The following FBXW7 variants were observed in gnomAD, a reference collection of about 807,000 sequenced individuals.
The protein encoded by FBXW7 is F-box and WD repeat domain containing 7, also known as F-box/WD repeat-containing protein 7.
FBXW7 carries 11 observed loss-of-function variants against 86.3 expected under a neutral mutation model. The ratio of observed to expected loss-of-function variants is 0.13; its 90% confidence interval spans 0.08 to 0.21. The LOEUF is 0.21. Among genes scored for constraint, FBXW7 ranks in the 10% least tolerant of loss-of-function variants. FBXW7 has a pLI of 1.00. For missense variants in FBXW7, 488 were observed against 847.4 expected, an observed-to-expected ratio of 0.58 and a Z score of 5.27; for synonymous variants, 313 against 297.9, an observed-to-expected ratio of 1.05 and a Z score of -0.52.
chr4:152,518,487 A>T (rs1748713651), intron 2 of FBXW7, among the ~76,000 whole-genome samples: 1 of 152,016 alleles, frequency 6.6e-6, no homozygotes, highest in East Asian at 1.9e-4. Flanking sequence ...TGTAGAGACA[A>T]GGTTTTGCCA....
At chr4:152,528,271 A>G (rs988219220) in intron 2 of FBXW7, among the ~76,000 whole-genome samples, 4 of 152,216 alleles carry the variant, frequency 2.6e-5, no homozygotes, top group Non-Finnish European at 5.9e-5. Context: ...GGCAAAGGTG[A>G]CACAGCATAG....
chr4:152,404,443 T>C (rs1183154084), intron 4 of FBXW7, among the ~76,000 whole-genome samples: 2 of 152,238 alleles, frequency 1.3e-5, no homozygotes, highest in African/African-American at 4.8e-5. Context: ...TCTGATCTTT[T>C]TCTTTGCATA....
At chr4:152,355,553 T>C (rs1218146160) in intron 4 of FBXW7, among the ~76,000 whole-genome samples, 2 of 152,194 alleles carry the variant, frequency 1.3e-5, no homozygotes, top group African/African-American at 2.4e-5. Flanking sequence ...AAATATATTT[T>C]CATTACAATA....
chr4:152,535,106 G>C (rs1750398567), intron 1 of FBXW7, 21 bp downstream of exon 1: 1 of 153,688 alleles, frequency 6.5e-6, no homozygotes, highest in South Asian at 2.1e-4. Context: ...CCAGGGGAGG[G>C]GAGGCGGCGG....
rs146873725 is a variant in FBXW7, at chr4:152,359,653, C to T, written c.502-9529G>A. 8.2e-3 allele frequency among the ~76,000 whole-genome samples: 1,239 copies of T among 151,934 alleles called. 11 individuals are homozygous for T. Among genetic ancestry groups the T allele is most frequent in the Middle Eastern group, 0.02 (6 of 294 alleles). On this transcript the variant is annotated intron_variant, in intron 4 of 13. Transcript: ENST00000281708. ...CAAAACAAAACAACAACAAAAACCA[C>T]GAAGACAGGTGAGGCAAGAGAATCA... is the stretch of plus-strand genomic sequence containing the variant.
intron 2 of FBXW7, among the ~76,000 whole-genome samples, chr4:152,460,646 C>T (rs971981851): frequency 1.3e-5 from 2 of 152,180 alleles, no homozygotes; most frequent in East Asian, 1.9e-4. Flanking sequence ...GGCTAGAGGT[C>T]GCCATTGTTT....
intron 4 of FBXW7, among the ~76,000 whole-genome samples, chr4:152,373,828 G>C (rs1734226426): frequency 6.6e-6 from 1 of 151,974 alleles, no homozygotes; most frequent in South Asian, 2.1e-4. Context: ...ATGGGCATGG[G>C]GGATCATCAT....
intron 2 of FBXW7, among the ~76,000 whole-genome samples, chr4:152,415,935 C>T (rs1444856636): frequency 1.3e-5 from 2 of 152,086 alleles, no homozygotes; most frequent in South Asian, 2.1e-4. Context: ...TACCCCCCAG[C>T]ATCACCTTCT....
chr4:152,535,498 G>T lies in FBXW7; in HGVS notation c.-584C>A. 1 of 391,586 alleles carries T rather than the reference G, an allele frequency of 2.6e-6. No homozygotes were observed. The highest frequency in any genetic ancestry group is 4.5e-6 in the Non-Finnish European group (1 of 221,698). 24.3% of individuals were successfully genotyped at this position (391,586 alleles called of 1,614,324 possible). A position where few individuals can be genotyped will look rare whatever the true frequency, so the allele number is the denominator to read the frequency against. ...CATCGGGGTCCCCGCCCCCCCGGCCGGGGGGTGGTTGCCGAGCTTGGTTGG... is the reference window on the plus strand; with the variant it reads ...CATCGGGGTCCCCGCCCCCCCGGCCTGGGGGTGGTTGCCGAGCTTGGTTGG... On this transcript the variant is annotated 5_prime_UTR_variant, in exon 1 of 14. Transcript: ENST00000281708.
chr4:152,337,895 G>C lies in FBXW7; in HGVS notation c.768C>G (p.Leu256=). ...CTTGTGTTGGTTCACAACTATCAATGAGTTCATCTAAAGCAAGCAATTTCT... is the reference window on the plus strand; with the variant it reads ...CTTGTGTTGGTTCACAACTATCAATCAGTTCATCTAAAGCAAGCAATTTCT... The part of the protein sequence containing the change: ...GPEKLLALDE[L]IDSCEPTQVK... The change falls in exon 7 of 14, where the codon CTC becomes CTG. Residue 256 remains leucine (L), a synonymous_variant. Transcript: ENST00000281708. The C allele has an allele frequency of 1.2e-6, 2 of 1,612,676 alleles. No individual in the cohort carries two copies. The highest frequency in any genetic ancestry group is 1.3e-5 in the African/African-American group (1 of 74,976).
At chr4:152,469,854 C>T (rs1743793202) in intron 2 of FBXW7, among the ~76,000 whole-genome samples, 1 of 152,112 alleles carries the variant, frequency 6.6e-6, no homozygotes, top group Non-Finnish European at 1.5e-5. Context: ...CTATAATTTA[C>T]ACTCACTATT....
intron 4 of FBXW7, among the ~76,000 whole-genome samples, chr4:152,356,583 GATTACAGACAGTTCAAA>G (rs757499693): frequency 1.3e-5 from 2 of 152,256 alleles, no homozygotes; most frequent in African/African-American, 2.4e-5. Flanking sequence ...ACAGAATTTA[GATTACAGACAGTTCAAA>G]ATTACAGACA....
At chr4:152,463,121 A>C (rs915938805) in intron 2 of FBXW7, among the ~76,000 whole-genome samples, 33 of 151,512 alleles carry the variant, frequency 2.2e-4, no homozygotes, top group African/African-American at 6.8e-4. Flanking sequence ...AACTCCATCT[A>C]TACTAAAAAT....
chr4:152,439,865 CA>C (rs35657415), intron 2 of FBXW7, among the ~76,000 whole-genome samples: 9,342 of 57,242 alleles, frequency 0.16, 356 homozygotes, highest in East Asian at 0.36. Context: ...GACTCCGTCA[CA>C]AAAAAAAAAA....
At chr4:152,498,215 A>AAATT (rs1746555853) in intron 2 of FBXW7, among the ~76,000 whole-genome samples, 2 of 152,220 alleles carry the variant, frequency 1.3e-5, no homozygotes, top group African/African-American at 4.8e-5. Context: ...TGCAAATAGT[A>AAATT]AGCTTAGTGA....
At chr4:152,387,265 T>C (rs1183886142) in intron 4 of FBXW7, among the ~76,000 whole-genome samples, 2 of 152,166 alleles carry the variant, frequency 1.3e-5, no homozygotes, top group African/African-American at 4.8e-5. Context: ...TACTCTGTTG[T>C]AGAAACAGAA....
chr4:152,517,532 T>C (rs1413003220), intron 2 of FBXW7, among the ~76,000 whole-genome samples: 1 of 152,134 alleles, frequency 6.6e-6, no homozygotes, highest in East Asian at 1.9e-4. Context: ...AGAATAAAGA[T>C]TAAGGTCCCA....
chr4:152,468,144 T>G (rs1743624734), intron 2 of FBXW7, among the ~76,000 whole-genome samples: 1 of 152,030 alleles, frequency 6.6e-6, no homozygotes, highest in African/African-American at 2.4e-5. Flanking sequence ...AGACTGACAA[T>G]AAGTGTTTAT....
At position 152,404,548 on chromosome 4, in the gene FBXW7, T is replaced by G. The variant is rs1303798981; in HGVS notation, c.501+6755A>C. 2.6e-5 allele frequency among the ~76,000 whole-genome samples: 4 copies of G among 152,196 alleles called. No individual in the cohort carries two copies. The South Asian group carries it at 6.2e-4, about 24-fold the overall frequency. On this transcript the variant is annotated intron_variant, in intron 4 of 13. Coordinates refer to ENST00000281708, the MANE Select transcript of FBXW7 (RefSeq NM_001349798.2). ...CTGTATAGAGTTTTGAATCCTATAT[T>G]TTAAATAAAATATTTTTAAGCATTT...
Sources: gnomAD v4.1 joint callset for allele counts (sites outside exome capture counted in the v4.1 genomes callset) on GRCh38, gnomAD v4.1.1 for gene constraint, MANE v1.5 for transcripts, NCBI Gene and HGNC (gene_info 2026-07-23, HGNC 2026-07-21) for gene names.